Variants in TRPV5 observed in about 807,000 individuals in gnomAD.
TRPV5 encodes the protein calcium transport protein 2.
A neutral mutation model predicts 74.1 loss-of-function variants in TRPV5; 66 were observed. The observed-to-expected ratio is 0.89, with a 90% CI of 0.73 to 1.09. The LOEUF (loss-of-function observed/expected upper bound fraction) is 1.09, where lower values mean the gene tolerates loss of function less well. Ranked by LOEUF, TRPV5 falls within the 50% of genes least tolerant of loss-of-function variation. TRPV5 has a pLI of 0.00. For synonymous variants in TRPV5, 399 were observed against 360.7 expected, an observed-to-expected ratio of 1.11 and a Z score of -1.20; for missense variants, 936 against 930.4, an observed-to-expected ratio of 1.01 and a Z score of -0.08.
intron 7 of TRPV5, among the ~76,000 whole-genome samples, chr7:142,927,085 C>G (rs1158661518): frequency 6.6e-6 from 1 of 152,160 alleles, no homozygotes; most frequent in African/African-American, 2.4e-5. Flanking sequence ...GTTGAATGGT[C>G]TATACGTTGC....
chr7:142,911,440 C>G (rs1049936791), intron 13 of TRPV5, among the ~76,000 whole-genome samples: 4 of 152,200 alleles, frequency 2.6e-5, no homozygotes, highest in Non-Finnish European at 5.9e-5. Flanking sequence ...ATCCTTTTCC[C>G]TCCTTCCTTT....
At position 142,925,423 on chromosome 7, in the gene TRPV5, C is replaced by CTGCTGGAA. The variant is rs574103515; in HGVS notation, c.1122+98_1122+105dup. ...TACCTGGGTGTTTAGGAGCCTACAC[C>CTGCTGGAA]TGCTGGAACCCAGAGCGTGGCATCG... On this transcript the variant is annotated intron_variant, in intron 8 of 14. Coordinates refer to ENST00000265310, the MANE Select transcript of TRPV5 (RefSeq NM_019841.7). 4.8e-4 allele frequency: 586 copies of CTGCTGGAA among 1,228,178 alleles called. 4 individuals are homozygous for CTGCTGGAA. The African/African-American group carries it at 7.8e-3, about 16-fold the overall frequency. 76.1% of individuals were successfully genotyped at this position (1,228,178 alleles called of 1,614,324 possible).
intron 8 of TRPV5, among the ~76,000 whole-genome samples, chr7:142,921,754 A>G (rs1235361053): frequency 6.6e-6 from 1 of 152,138 alleles, no homozygotes; most frequent in Non-Finnish European, 1.5e-5. Context: ...CCCCCTGGGG[A>G]TAAAGCGTAA....
At chr7:142,921,645 A>C (rs1795887010) in intron 8 of TRPV5, among the ~76,000 whole-genome samples, 1 of 150,482 alleles carries the variant, frequency 6.6e-6, no homozygotes, top group Non-Finnish European at 1.5e-5. Context: ...CCTTCCTACC[A>C]CCCCCCACAT....
At chr7:142,910,673 C>T (rs529376829) in intron 13 of TRPV5, among the ~76,000 whole-genome samples, 1 of 152,320 alleles carries the variant, frequency 6.6e-6, no homozygotes, top group African/African-American at 2.4e-5. Flanking sequence ...CTTAATTGCA[C>T]CAAGTTCCCT....
At chr7:142,914,733 TG>T in intron 11 of TRPV5, 27 bp from the exon 12 acceptor site, 1 of 1,610,716 alleles carries the variant, frequency 6.2e-7, no homozygotes, top group East Asian at 2.2e-5. Context: ...GAAGAAAGGG[TG>T]GGATGATTCC....
chr7:142,908,843 G>C, intron 14 of TRPV5, 35 bp from the exon 15 acceptor site: 2 of 1,590,088 alleles, frequency 1.3e-6, no homozygotes, highest in Non-Finnish European at 1.7e-6. Flanking sequence ...CTCAATCCAG[G>C]TGGGGAGACA....
In TRPV5 at chr7:142,915,468, C is replaced by T. The variant is rs747965049; in HGVS notation, c.1209+14G>A. 2.7e-5 allele frequency: 44 copies of T among 1,613,226 alleles called. No individual in the cohort carries two copies. The Middle Eastern group carries it at 4.9e-4, about 18-fold the overall frequency. ...GATGGGATGGGATTAGCCTGGACCC[C>T]GCCTGCCCCTCACCTCTAGGAGCAG... On this transcript the variant is annotated intron_variant, in intron 9 of 14. Transcript: ENST00000265310.
intron 10 of TRPV5, 118 bp from the exon 11 acceptor site, chr7:142,915,164 C>A: frequency 6.6e-7 from 1 of 1,520,274 alleles, no homozygotes; most frequent in Admixed American, 1.9e-5. Context: ...ACCTAAAACG[C>A]ACATACAGTT....
At chr7:142,924,335 TAC>T (rs1303293985) in intron 8 of TRPV5, among the ~76,000 whole-genome samples, 2 of 5,384 alleles carry the variant, frequency 3.7e-4, no homozygotes, top group Admixed American at 2.6e-3. Flanking sequence ...TGTATATATA[TAC>T]ATATATATAT....
chr7:142,912,438 C>A, intron 13 of TRPV5, 44 bp downstream of exon 13: 2 of 1,582,048 alleles, frequency 1.3e-6, no homozygotes, highest in Non-Finnish European at 1.7e-6. Context: ...TGATTTTTCT[C>A]TCCAACCCCT....
intron 4 of TRPV5, 22 bp from the exon 5 acceptor site, chr7:142,929,142 T>C (rs760341158): frequency 1.9e-6 from 3 of 1,612,700 alleles, no homozygotes; most frequent in Non-Finnish European, 2.5e-6. Flanking sequence ...GAGAGATCCA[T>C]GGCAGGAGAA....
Position 142,928,780 on chromosome 7 carries a change from G to A in TRPV5, c.673C>T (p.His225Tyr). 2 of 1,614,186 alleles carry A rather than the reference G, an allele frequency of 1.2e-6. No homozygotes were observed. The highest frequency in any genetic ancestry group is 1.1e-5 in the South Asian group (1 of 91,088). Residue 225 changes from histidine to tyrosine, a missense_variant, in exon 6 of 15, where the codon CAT (histidine) becomes TAT (tyrosine). Physicochemically the swap from His to Tyr is moderately conservative, Grantham distance 83. Transcript: ENST00000265310. ...MYNLLLSYDG[H>Y]GDHLQPLDLV... ...TCCAGGGGCTGCAGGTGGTCCCCAT[G>A]TCCATCATAGGACAGCAGCAGGTTG...
Position 142,912,729 on chromosome 7 carries a change from G to C in TRPV5, c.1541C>G (p.Thr514Arg). 1 of 1,614,134 alleles carries C rather than the reference G, an allele frequency of 6.2e-7. No homozygotes were observed. The highest frequency in any genetic ancestry group is 8.5e-7 in the Non-Finnish European group (1 of 1,179,966). ...FASAFYIIFQ[T>R]EDPTSLGQFY... The stretch of plus-strand genomic sequence containing the variant: ...TTGCCCCAGACTGGTTGGGTCCTCT[G>C]TCTGGAAAATGATATAGAACGCTGC... Residue 514 changes from threonine (T) to arginine (R), a missense_variant, in exon 13 of 15, where the codon ACA (threonine) becomes AGA (arginine). Physicochemically the swap from Thr to Arg is moderately conservative, Grantham distance 71. Transcript: ENST00000265310.
chr7:142,915,146 G>A, intron 10 of TRPV5, 100 bp from the exon 11 acceptor site: 1 of 1,535,608 alleles, frequency 6.5e-7, no homozygotes, highest in East Asian at 2.3e-5. Flanking sequence ...CTCAGGCTTA[G>A]TCTTTACACC....
intron 1 of TRPV5, among the ~76,000 whole-genome samples, chr7:142,931,151 T>C (rs1586230825): frequency 6.6e-6 from 1 of 151,064 alleles, no homozygotes; most frequent in African/African-American, 2.4e-5. Context: ...GTCTCCCGAG[T>C]AGCTGGGATT....
At chr7:142,917,358 A>C (rs1795820215) in intron 8 of TRPV5, among the ~76,000 whole-genome samples, 1 of 152,186 alleles carries the variant, frequency 6.6e-6, no homozygotes. Context: ...TGTCTATAAA[A>C]ATATTTTTAT....
At chr7:142,908,857 G>A (rs915141377) in intron 14 of TRPV5, 49 bp from the exon 15 acceptor site, 1 of 1,570,300 alleles carries the variant, frequency 6.4e-7, no homozygotes. Flanking sequence ...GGAGACATGG[G>A]CAGGGGAGAA....
chr7:142,928,672 G>C lies in TRPV5; in HGVS notation c.762+19C>G. On this transcript the variant is annotated intron_variant, in intron 6 of 14. Coordinates refer to ENST00000265310, the MANE Select transcript of TRPV5 (RefSeq NM_019841.7). ...AGGGTCATTAGAAAGACACCTCAGG[G>C]ATGGGGAGCGTCTCTTACCACAGTG... 6.2e-7 allele frequency: 1 copy of C among 1,609,524 alleles called. No individual in the cohort carries two copies. The highest frequency in any genetic ancestry group is 8.5e-7 in the Non-Finnish European group (1 of 1,177,672).
Sources: allele counts gnomAD v4.1 joint callset (sites outside exome capture counted in the v4.1 genomes callset), GRCh38; gene constraint gnomAD v4.1.1; transcripts MANE v1.5; gene names NCBI Gene and HGNC (gene_info 2026-07-23, HGNC 2026-07-21).